RBBP7: variants seen among roughly 807,000 people sequenced by gnomAD.
RBBP7 encodes RB binding protein 7, chromatin remodeling factor.
RBBP7 carries 5 observed loss-of-function variants against 35.2 expected under a neutral mutation model. The observed-to-expected ratio is 0.14, with a 90% CI of 0.07 to 0.30. The LOEUF is 0.30. Ranked by LOEUF, RBBP7 falls within the 10% of genes least tolerant of loss-of-function variation. The probability of loss-of-function intolerance (pLI) is 1.00; values close to 1 mark genes in which losing one functional copy is unlikely to be tolerated. For missense variants in RBBP7, 155 were observed against 327.5 expected, an observed-to-expected ratio of 0.47 and a Z score of 4.07; for synonymous variants, 140 against 118.7, an observed-to-expected ratio of 1.18 and a Z score of -1.17.
At chrX:16,861,084 G>T (rs1186322754) in intron 3 of RBBP7, among the ~76,000 whole-genome samples, 1 of 110,639 alleles carries the variant, frequency 9.0e-6, no homozygotes, top group Non-Finnish European at 1.9e-5. Flanking sequence ...TGAGGTACGA[G>T]AATCACTTGA....
rs1930382684 is a variant in RBBP7, at chrX:16,857,750, C to G, written c.482-41G>C. ...AAACATTAAGTTATTCTCTGTTTAT[C>G]AGAACTGGTGAGAATAAATTCTCAC... On this transcript the variant is annotated intron_variant, in intron 4 of 11. Coordinates refer to ENST00000380087, the MANE Select transcript of RBBP7 (RefSeq NM_002893.4). The G allele has an allele frequency of 4.2e-6, 5 of 1,181,998 alleles. No homozygotes were observed. In the African/African-American group the frequency reaches 9.1e-5, roughly 22 times the overall value.
At chrX:16,855,837 G>A (rs764869948) in intron 5 of RBBP7, among the ~76,000 whole-genome samples, 2 of 107,559 alleles carry the variant, frequency 1.9e-5, no homozygotes, top group East Asian at 5.9e-4. Flanking sequence ...TCTCTACAAA[G>A]AATACAAAAA....
chrX:16,862,257 G>A (rs1293560834), intron 3 of RBBP7, among the ~76,000 whole-genome samples: 1 of 111,514 alleles, frequency 9.0e-6, no homozygotes, highest in African/African-American at 3.3e-5. Context: ...AGTATAATTT[G>A]CTCTTGGGAG....
intron 4 of RBBP7, among the ~76,000 whole-genome samples, chrX:16,858,080 G>A (rs1930389859): frequency 9.0e-6 from 1 of 111,495 alleles, no homozygotes; most frequent in African/African-American, 3.3e-5. Context: ...CTGGGAATGT[G>A]ACCCTCAGAA....
chrX:16,856,537 A>G (rs1282729942), intron 5 of RBBP7, among the ~76,000 whole-genome samples: 1 of 98,184 alleles, frequency 1.0e-5, no homozygotes, highest in Non-Finnish European at 2.2e-5. Flanking sequence ...CTCAAAAAAC[A>G]AACAAAACAA....
chrX:16,861,176 A>G (rs776558877), intron 3 of RBBP7, among the ~76,000 whole-genome samples: 6 of 112,314 alleles, frequency 5.3e-5, no homozygotes, highest in African/African-American at 1.9e-4. Flanking sequence ...CCTGCCTCAT[A>G]ACAAACAAAA....
chrX:16,863,108 A>T lies in RBBP7; in HGVS notation c.162-8T>A. 2 of 1,203,263 alleles carry T rather than the reference A, an allele frequency of 1.7e-6. No individual in the cohort carries two copies. The highest frequency in any genetic ancestry group is 2.2e-6 in the Non-Finnish European group (2 of 889,124). On this transcript the variant is annotated splice_region_variant and splice_polypyrimidine_tract_variant and intron_variant, in intron 2 of 11. Transcript: ENST00000380087. The stretch of plus-strand genomic sequence containing the variant: ...TAATCTTTTCCTTCAGGTCTGTTTA[A>T]GAAAGAAAATAAGTCACACTAATCC...
intron 5 of RBBP7, among the ~76,000 whole-genome samples, chrX:16,854,043 C>T (rs1341655810): frequency 9.1e-6 from 1 of 110,207 alleles, no homozygotes; most frequent in Non-Finnish European, 1.9e-5. Context: ...CCATGCCTGG[C>T]TCATTTTTTT....
intron 8 of RBBP7, 78 bp from the exon 9 acceptor site, chrX:16,852,200 T>C: frequency 1.1e-6 from 1 of 877,948 alleles, no homozygotes. Flanking sequence ...TAATCTGATA[T>C]TTTCCCATCT....
chrX:16,862,894 A>G (rs759513863), intron 3 of RBBP7, 61 bp downstream of exon 3: 51 of 1,133,323 alleles, frequency 4.5e-5, no homozygotes, highest in Admixed American at 3.1e-4. Flanking sequence ...TTTTAATAGC[A>G]TATGCTTTGA....
chrX:16,858,791 G>A lies in RBBP7; in HGVS notation c.366C>T (p.His122=), dbSNP rs147950664. ...GKIECEIKIN[H]EGEVNRARYM... is the part of the protein sequence containing the mutation. ...AACGAGCACGGTTTACTTCTCCTTC[G>A]TGATTGATTTTAATTTCACATTCAA... is the stretch of plus-strand genomic sequence containing the variant. The change falls in exon 4 of 12, where the codon CAC becomes CAT. Residue 122 remains histidine, a synonymous_variant. Coordinates refer to ENST00000380087, the MANE Select transcript of RBBP7 (RefSeq NM_002893.4). 1.0e-4 allele frequency: 123 copies of A among 1,209,576 alleles called. No homozygotes were observed. Among genetic ancestry groups the A allele is most frequent in the Middle Eastern group, 9.2e-4 (4 of 4,352 alleles).
chrX:16,869,814 G>A, intron 1 of RBBP7: 3 of 913,574 alleles, frequency 3.3e-6, no homozygotes, highest in South Asian at 5.9e-5. Flanking sequence ...AAGGGAAGAG[G>A]GGGGCCCAGC....
intron 2 of RBBP7, among the ~76,000 whole-genome samples, chrX:16,863,665 T>C (rs1434417465): frequency 8.9e-6 from 1 of 112,427 alleles, no homozygotes; most frequent in Admixed American, 9.4e-5. Context: ...GTTTCTTCAC[T>C]GAATAAAATA....
At chrX:16,869,786 G>A (rs1247131809) in intron 1 of RBBP7, 1 of 934,641 alleles carries the variant, frequency 1.1e-6, no homozygotes, top group African/African-American at 2.1e-5. Flanking sequence ...CGGAGGGAGC[G>A]CAGCCGCTGG....
intron 10 of RBBP7, chrX:16,848,560 A>G (rs1425737950): frequency 3.6e-5 from 4 of 112,449 alleles, no homozygotes; most frequent in East Asian, 5.5e-4. Flanking sequence ...AAGTGTGCCA[A>G]AAATGAGTAC....
chrX:16,863,002 T>C lies in RBBP7; in HGVS notation c.260A>G (p.Asn87Ser), dbSNP rs141907824. ...GGAAGCATCAAACTGTGCATCATCA[T>C]TGGGAATATGTACTCGAGCAACCAC... is the stretch of plus-strand genomic sequence containing the variant. ...HLVVARVHIP[N>S]DDAQFDASHC... Residue 87 changes from asparagine to serine, a missense_variant, in exon 3 of 12, where the codon AAT (asparagine) becomes AGT (serine). Physicochemically the swap from Asn to Ser is conservative, Grantham distance 46. This residue lies in a region of RBBP7 where 59 missense variants were observed against 90.4 expected (regional missense o/e 0.65). Coordinates refer to ENST00000380087, the MANE Select transcript of RBBP7 (RefSeq NM_002893.4). 147 of 1,209,506 alleles carry C rather than the reference T, an allele frequency of 1.2e-4. No homozygotes were observed. Among genetic ancestry groups the C allele is most frequent in the South Asian group, 1.8e-5 (1 of 56,823 alleles).
chrX:16,865,790 A>G (rs1930600308), intron 2 of RBBP7, among the ~76,000 whole-genome samples: 1 of 112,468 alleles, frequency 8.9e-6, no homozygotes, highest in Admixed American at 9.4e-5. Context: ...TATAGAAGGA[A>G]AAAGACTGAA....
chrX:16,861,037 G>A lies in RBBP7; in HGVS notation c.307+1918C>T, dbSNP rs1026706612. On this transcript the variant is annotated intron_variant, in intron 3 of 11. Transcript: ENST00000380087. ...AAAAATACAAAAATTAGCCGGGCAT[G>A]GTGGTGGACGCCTGTAATCCCAGCT... 2.7e-5 allele frequency among the ~76,000 whole-genome samples: 3 copies of A among 111,156 alleles called. No individual in the cohort carries two copies. The South Asian group carries it at 1.1e-3, about 42-fold the overall frequency.
At chrX:16,848,797 CTTCA>C (rs1930146632) in intron 10 of RBBP7, 1 of 112,997 alleles carries the variant, frequency 8.8e-6, no homozygotes, top group Admixed American at 9.5e-5. Context: ...ATGCGTGATG[CTTCA>C]ATCAGGCATG....
Sources: gnomAD v4.1 joint callset for allele counts (sites outside exome capture counted in the v4.1 genomes callset) on GRCh38, gnomAD v4.1.1 for gene constraint, gnomAD v4.1.1 regional missense constraint, MANE v1.5 for transcripts, NCBI Gene and HGNC (gene_info 2026-07-23, HGNC 2026-07-21) for gene names.